Variants in GPAM observed in about 807,000 individuals in gnomAD.
GPAM encodes glycerol-3-phosphate acyltransferase 1, mitochondrial.
Under a neutral mutation model 105.0 loss-of-function variants are expected in GPAM, and 56 were observed. That is an observed-to-expected ratio of 0.53 (90% CI 0.43 to 0.67). The LOEUF is 0.67. Ranked by LOEUF, GPAM falls within the 30% of genes least tolerant of loss-of-function variation. The probability of loss-of-function intolerance (pLI) is 0.00; values close to 1 mark genes in which losing one functional copy is unlikely to be tolerated. For synonymous variants in GPAM, 368 were observed against 354.4 expected, an observed-to-expected ratio of 1.04 and a Z score of -0.43; for missense variants, 855 against 989.8, an observed-to-expected ratio of 0.86 and a Z score of 1.83.
rs1036505733 is a variant in GPAM, at chr10:112,152,532, A to G, written c.*1018T>C. ...GGCACAACTCGAGTGGGTACCAGTC[A>G]CCTGGACTGGGGTGCAGTACACAAT... On this transcript the variant is annotated 3_prime_UTR_variant, in exon 22 of 22. Coordinates refer to ENST00000348367, the MANE Select transcript of GPAM (RefSeq NM_001244949.2). 1.4e-5 allele frequency: 14 copies of G among 984,766 alleles called. No individual in the cohort carries two copies. Among genetic ancestry groups the G allele is most frequent in the Non-Finnish European group, 1.6e-5 (13 of 829,412 alleles). The allele number at this position is 984,766 out of a possible 1,614,324, so 61.0% of individuals were successfully genotyped here.
At chr10:112,196,008 A>T (rs1465321405) in intron 1 of GPAM, among the ~76,000 whole-genome samples, 1 of 152,172 alleles carries the variant, frequency 6.6e-6, no homozygotes, top group Non-Finnish European at 1.5e-5. Flanking sequence ...ACTACAAGGA[A>T]AACTAGGGGC....
upstream of GPAM, among the ~76,000 whole-genome samples, chr10:112,216,682 G>C (rs147791416): frequency 0.012 from 1,810 of 151,848 alleles, 44 homozygotes; most frequent in African/African-American, 0.041. Context: ...GGAGTGCAGT[G>C]GTGTGATCTT....
intron 9 of GPAM, among the ~76,000 whole-genome samples, chr10:112,169,254 GA>G (rs1189027418): frequency 1.3e-5 from 2 of 152,100 alleles, no homozygotes; most frequent in African/African-American, 4.8e-5. Context: ...ATTTTAAGAG[GA>G]TTATAGAACA....
chr10:112,190,557 C>T (rs962173348), intron 1 of GPAM, among the ~76,000 whole-genome samples: 7 of 151,776 alleles, frequency 4.6e-5, no homozygotes, highest in African/African-American at 1.7e-4. Flanking sequence ...AAAGAAACCC[C>T]TCTGACTTAC....
intron 20 of GPAM, chr10:112,154,973 G>T (rs1030071066): frequency 2.0e-6 from 1 of 500,954 alleles, no homozygotes; most frequent in Non-Finnish European, 3.6e-6. Context: ...GAGGGAAGTA[G>T]AAATACCTAA....
rs199822712 is a variant in GPAM, at chr10:112,159,905, A to T, written c.1902+6T>A. On this transcript the variant is annotated splice_donor_region_variant and intron_variant, in intron 17 of 21. Transcript: ENST00000348367. ...GACCAGGCAACACTGAAGGGTCTTC[A>T]CTCACCAGTGAGATGGTGCCTTCAT... The T allele has an allele frequency of 9.9e-5, 160 of 1,613,308 alleles. 3 individuals are homozygous for T. The South Asian group carries it at 1.4e-3, about 14-fold the overall frequency.
At chr10:112,211,907 G>C (rs1486711083) in intron 1 of GPAM, among the ~76,000 whole-genome samples, 1 of 152,162 alleles carries the variant, frequency 6.6e-6, no homozygotes, top group Non-Finnish European at 1.5e-5. Context: ...GATGTATGAG[G>C]GTTTCTTAAG....
At chr10:112,172,087 C>T in intron 9 of GPAM, 95 bp downstream of exon 9, 2 of 961,014 alleles carry the variant, frequency 2.1e-6, no homozygotes, top group South Asian at 1.4e-5. Context: ...CTAATGTCAT[C>T]TTTACAATAA....
intron 1 of GPAM, among the ~76,000 whole-genome samples, chr10:112,190,710 G>A (rs1053742885): frequency 9.2e-5 from 14 of 152,050 alleles, no homozygotes; most frequent in African/African-American, 3.4e-4. Context: ...TGTCTATAAC[G>A]GCACCCCACA....
At chr10:112,191,686 A>T (rs1025099717) in intron 1 of GPAM, among the ~76,000 whole-genome samples, 1 of 152,210 alleles carries the variant, frequency 6.6e-6, no homozygotes, top group Non-Finnish European at 1.5e-5. Context: ...AAGCTGCTCA[A>T]CTGGGGCTGG....
At chr10:112,212,258 G>C (rs1316569574) in intron 1 of GPAM, among the ~76,000 whole-genome samples, 3 of 152,080 alleles carry the variant, frequency 2.0e-5, no homozygotes, top group Non-Finnish European at 4.4e-5. Context: ...AAGTAATTCC[G>C]GTTTTCGCTG....
In GPAM at chr10:112,152,025, T is replaced by C. The variant is rs1846928910; in HGVS notation, c.*1525A>G. 1 of 969,754 alleles carries C rather than the reference T, an allele frequency of 1.0e-6. No individual in the cohort carries two copies. Among genetic ancestry groups the C allele is most frequent in the Non-Finnish European group, 1.2e-6 (1 of 815,596 alleles). The allele number at this position is 969,754 out of a possible 1,614,324, so 60.1% of individuals were successfully genotyped here. On this transcript the variant is annotated 3_prime_UTR_variant, in exon 22 of 22. Coordinates refer to ENST00000348367, the MANE Select transcript of GPAM (RefSeq NM_001244949.2). The stretch of plus-strand genomic sequence containing the variant: ...TATGAGTTTCAAACATGGTATTTCA[T>C]ACAATGTGAAATATCAATCAGCATC...
rs143686282 is a variant in GPAM at position 112,168,023 on chromosome 10, C to T, written c.1107+289G>A. Among the ~76,000 whole-genome samples, 25 of 152,306 alleles carry T rather than the reference C, an allele frequency of 1.6e-4. 1 individual carries two copies. The highest frequency in any genetic ancestry group is 3.9e-4 in the Admixed American group (6 of 15,300). On this transcript the variant is annotated intron_variant, in intron 11 of 21. Transcript: ENST00000348367. The stretch of plus-strand genomic sequence containing the variant: ...ACCTTCCACAGCAGAGATGGCAACA[C>T]GGTGGCAAGTCTTCTCCCACTTCCC...
At chr10:112,213,916 G>C (rs1847940836) in intron 1 of GPAM, among the ~76,000 whole-genome samples, 1 of 152,194 alleles carries the variant, frequency 6.6e-6, no homozygotes, top group South Asian at 2.1e-4. Flanking sequence ...TCACATCCAA[G>C]AGGTATAACC....
Position 112,166,497 on chromosome 10 carries a change from C to T in GPAM, c.1126G>A (p.Glu376Lys). 1 of 1,606,480 alleles carries T rather than the reference C, an allele frequency of 6.2e-7. No individual in the cohort carries two copies. Among genetic ancestry groups the T allele is most frequent in the Non-Finnish European group, 8.5e-7 (1 of 1,173,060 alleles). ...CCTCTTGCTACACTCCACAGGCTCT[C>T]ATTCTTCTTAGGTTTGCCCTAAATT... ...GEQLGKPKKN[E>K]SLWSVARGVI... Residue 376 changes from glutamate (E) to lysine (K), a missense_variant, in exon 12 of 22, where the codon GAG becomes AAG. By Grantham distance (56) the Glu-to-Lys change is moderately conservative. Transcript: ENST00000348367.
chr10:112,187,999 T>C (rs1264616766), upstream of GPAM, among the ~76,000 whole-genome samples: 2 of 152,076 alleles, frequency 1.3e-5, no homozygotes, highest in African/African-American at 4.8e-5. Context: ...TAAATGATAA[T>C]GAAAACACAA....
rs754476283 is a variant in GPAM at position 112,181,759 on chromosome 10, C to G, written c.26G>C (p.Gly9Ala). 2 of 1,606,876 alleles carry G rather than the reference C, an allele frequency of 1.2e-6. No homozygotes were observed. The highest frequency in any genetic ancestry group is 1.7e-6 in the Non-Finnish European group (2 of 1,173,584). MDESALTL[G>A]TIDVSYLPHS... is the part of the protein sequence containing the mutation. ...TGGCAGATAAGAAACATCTATTGTACCAAGGGTCAGTGCAGATTCATCCAT... is the reference window on the plus strand; with the variant it reads ...TGGCAGATAAGAAACATCTATTGTAGCAAGGGTCAGTGCAGATTCATCCAT... Residue 9 changes from glycine to alanine, a missense_variant, in exon 3 of 22, where the codon GGT becomes GCT. Physicochemically the swap from Gly to Ala is moderately conservative, Grantham distance 60. Coordinates refer to ENST00000348367, the MANE Select transcript of GPAM (RefSeq NM_001244949.2).
At chr10:112,207,773 C>A (rs377247897) in intron 1 of GPAM, among the ~76,000 whole-genome samples, 1 of 152,176 alleles carries the variant, frequency 6.6e-6, no homozygotes, top group South Asian at 2.1e-4. Context: ...ACCAATATCA[C>A]GCTCAAGATA....
chr10:112,196,364 A>G (rs1209243529), intron 1 of GPAM, among the ~76,000 whole-genome samples: 1 of 152,254 alleles, frequency 6.6e-6, no homozygotes, highest in East Asian at 1.9e-4. Flanking sequence ...GCTAATTTTT[A>G]GAATACTTCT....
Sources: allele counts gnomAD v4.1 joint callset (sites outside exome capture counted in the v4.1 genomes callset), GRCh38; gene constraint gnomAD v4.1.1; transcripts MANE v1.5; gene names NCBI Gene and HGNC (gene_info 2026-07-23, HGNC 2026-07-21).